ALOX15B: variants seen among roughly 807,000 people sequenced by gnomAD.
The protein encoded by ALOX15B is arachidonate 15-lipoxygenase type B.
A neutral mutation model predicts 73.8 loss-of-function variants in ALOX15B; 74 were observed. The observed-to-expected ratio is 1.00, with a 90% CI of 0.83 to 1.22. ALOX15B has a LOEUF of 1.22. Ranked by LOEUF, ALOX15B falls within the 50% of genes most tolerant of loss-of-function variation. The pLI is 0.00. For missense variants in ALOX15B, 896 were observed against 859.9 expected, an observed-to-expected ratio of 1.04 and a Z score of -0.52; for synonymous variants, 353 against 357.2, an observed-to-expected ratio of 0.99 and a Z score of 0.13.
Position 8,045,646 on chromosome 17 carries a change from C to T in ALOX15B, c.1160C>T (p.Ala387Val). The T allele has an allele frequency of 6.2e-7, 1 of 1,614,128 alleles. No individual in the cohort carries two copies. The highest frequency in any genetic ancestry group is 8.5e-7 in the Non-Finnish European group (1 of 1,180,040). ...CTGCTGCCTGAGGTCTTCACCCTGGCTACCCTGCGTCAGCTGCCCCACTGC... is the reference window on the plus strand; with the variant it reads ...CTGCTGCCTGAGGTCTTCACCCTGGTTACCCTGCGTCAGCTGCCCCACTGC... The part of the protein sequence containing the change: ...SHLLPEVFTL[A>V]TLRQLPHCHP... The change falls in exon 8 of 14, where the codon GCT (alanine) becomes GTT (valine). Residue 387 changes from alanine to valine, a missense_variant. Coordinates refer to ENST00000380183, the MANE Select transcript of ALOX15B (RefSeq NM_001141.3).
Position 8,048,600 on chromosome 17 carries a change from T to C in ALOX15B, c.*35T>C, listed in dbSNP as rs1054682277. The C allele has an allele frequency of 2.5e-6, 4 of 1,598,374 alleles. No homozygotes were observed. The highest frequency in any genetic ancestry group is 3.4e-6 in the Non-Finnish European group (4 of 1,171,022). ...GAACACAGGCCCAGATGACATCCCT[T>C]TGACCACATCGCTCTAGGATAACTG... On this transcript the variant is annotated 3_prime_UTR_variant, in exon 14 of 14. Transcript: ENST00000380183.
rs779373156 is a variant in ALOX15B, at chr17:8,042,397, C to T, written c.478C>T (p.His160Tyr). 2 of 1,614,154 alleles carry T rather than the reference C, an allele frequency of 1.2e-6. No individual in the cohort carries two copies. Among genetic ancestry groups the T allele is most frequent in the Middle Eastern group, 1.7e-4 (1 of 5,982 alleles). Residue 160 changes from histidine (H) to tyrosine (Y), a missense_variant, in exon 4 of 14, where the codon CAC (histidine) becomes TAC (tyrosine). By Grantham distance (83) the His-to-Tyr change is moderately conservative. Transcript: ENST00000380183. ...GAAGGCTTACAACCCAGGTTGGCCT[C>T]ACTGCCTGGATGAAAAGACAGTGGA... ...QWKAYNPGWP[H>Y]CLDEKTVEDL... is the part of the protein sequence containing the mutation.
chr17:8,044,766 C>T (rs1422986360), intron 5 of ALOX15B, 63 bp from the exon 6 acceptor site: 274 of 408,448 alleles, frequency 6.7e-4, no homozygotes, highest in Middle Eastern at 2.5e-3. Flanking sequence ...GTCCCCGTGT[C>T]CCCCACCCCC....
In ALOX15B at chr17:8,039,459, C is replaced by G. The variant is rs904050577; in HGVS notation, c.221C>G (p.Pro74Arg). ...CTGCTGCGCGTGCACAAGGCGCCCCCAGTGCTGCCCCTGCTGGGGCCCCTG... is the reference window on the plus strand; with the variant it reads ...CTGCTGCGCGTGCACAAGGCGCCCCGAGTGCTGCCCCTGCTGGGGCCCCTG... Reference protein sequence around the residue: ...VLLLRVHKAPPVLPLLGPLAP... With the variant: ...VLLLRVHKAPRVLPLLGPLAP... Residue 74 changes from proline to arginine, a missense_variant, in exon 2 of 14, where the codon CCA becomes CGA. Transcript: ENST00000380183. The G allele has an allele frequency of 6.2e-7, 1 of 1,606,068 alleles. No homozygotes were observed. The highest frequency in any genetic ancestry group is 8.5e-7 in the Non-Finnish European group (1 of 1,177,270).
intron 5 of ALOX15B, among the ~76,000 whole-genome samples, chr17:8,043,710 AC>A (rs1412208136): frequency 6.6e-6 from 1 of 152,048 alleles, no homozygotes; most frequent in Non-Finnish European, 1.5e-5. Flanking sequence ...GGATGGGTGG[AC>A]CGAGAGGTAC....
At position 8,048,554 on chromosome 17, in the gene ALOX15B, GT is replaced by G; in HGVS notation, c.2021del (p.Val674AlafsTer21). On this transcript the variant is annotated frameshift_variant, in exon 14 of 14. Coordinates refer to ENST00000380183, the MANE Select transcript of ALOX15B (RefSeq NM_001141.3). LOFTEE classifies it high-confidence loss of function. ...AGACCCTCCCCTCATCGAGAACAGC[GT>G]CTCCATCTAAATCCCAGGGGAACAC... Reference protein sequence around the residue: ...YLDPPLIENSVSI With the variant: ...YLDPPLIENSXSI 1 of 1,613,404 alleles carries G rather than the reference GT, an allele frequency of 6.2e-7. No individual in the cohort carries two copies. Among genetic ancestry groups the G allele is most frequent in the Non-Finnish European group, 8.5e-7 (1 of 1,179,564 alleles).
chr17:8,045,483 C>T lies in ALOX15B; in HGVS notation c.997C>T (p.Leu333Phe). 6.2e-7 allele frequency: 1 copy of T among 1,614,110 alleles called. No individual in the cohort carries two copies. Among genetic ancestry groups the T allele is most frequent in the Non-Finnish European group, 8.5e-7 (1 of 1,180,018 alleles). Residue 333 changes from leucine (L) to phenylalanine (F), a missense_variant and splice_region_variant, in exon 8 of 14, where the codon CTC (leucine) becomes TTC (phenylalanine). Transcript: ENST00000380183. ...CGPLLPLAIQ[L>F]SQTPGPNSPI... ...TCTCTCCCCACCTGCCTCCCCCCAG[C>T]TCAGCCAGACCCCCGGCCCAAACAG...
rs530174721 is a variant in ALOX15B, at chr17:8,046,646, C to A, written c.1201-22C>A. 29 of 1,610,106 alleles carry A rather than the reference C, an allele frequency of 1.8e-5. No individual in the cohort carries two copies. The East Asian group carries it at 5.8e-4, about 32-fold the overall frequency. On this transcript the variant is annotated intron_variant, in intron 8 of 13. Coordinates refer to ENST00000380183, the MANE Select transcript of ALOX15B (RefSeq NM_001141.3). ...AGAACAACCCAGGCCTCCCCTAGCT[C>A]TGCCATTTTCCTGCCATGCAGCTGC...
At chr17:8,046,053 C>T (rs1307948926) in intron 8 of ALOX15B, among the ~76,000 whole-genome samples, 3 of 152,264 alleles carry the variant, frequency 2.0e-5, no homozygotes, top group Admixed American at 6.5e-5. Context: ...GGGAGGCCCC[C>T]GTGCTCTAGG....
Position 8,039,506 on chromosome 17 carries a change from C to A in ALOX15B, c.268C>A (p.Arg90Ser), listed in dbSNP as rs368311556. 16 of 1,570,128 alleles carry A rather than the reference C, an allele frequency of 1.0e-5. No individual in the cohort carries two copies. In the South Asian group the frequency reaches 1.6e-4, roughly 16 times the overall value. Residue 90 changes from arginine (R) to serine (S), a missense_variant, in exon 2 of 14, where the codon CGC becomes AGC. Coordinates refer to ENST00000380183, the MANE Select transcript of ALOX15B (RefSeq NM_001141.3). ...CCTGGCCCCGGATGCCTGGTTCTGC[C>A]GCTGGTTCCAGCTGACACCGCCGCG... is the stretch of plus-strand genomic sequence containing the variant. ...GPLAPDAWFC[R>S]WFQLTPPRGG...
At chr17:8,045,184 A>AC (rs1976571617) in intron 6 of ALOX15B, 54 bp from the exon 7 acceptor site, 1 of 1,611,348 alleles carries the variant, frequency 6.2e-7, no homozygotes, top group Non-Finnish European at 8.5e-7. Flanking sequence ...CTACAACTGC[A>AC]CCCCCTTCAT....
chr17:8,045,092 T>G, intron 6 of ALOX15B, 91 bp downstream of exon 6: 1 of 1,588,420 alleles, frequency 6.3e-7, no homozygotes, highest in Non-Finnish European at 8.6e-7. Flanking sequence ...ACACTCACAT[T>G]TGTTAGGGAC....
In ALOX15B at chr17:8,045,144, C is replaced by T. The variant is rs984557712; in HGVS notation, c.850-94C>T. On this transcript the variant is annotated intron_variant, in intron 6 of 13. Coordinates refer to ENST00000380183, the MANE Select transcript of ALOX15B (RefSeq NM_001141.3). ...GCCAAGCACACTCTCCCGAAACACA[C>T]TCCTCTCCCAGCCCTGAATCCTCTC... is the stretch of plus-strand genomic sequence containing the variant. 12 of 1,597,870 alleles carry T rather than the reference C, an allele frequency of 7.5e-6. No individual in the cohort carries two copies. The Admixed American group carries it at 2.0e-4, about 27-fold the overall frequency.
intron 8 of ALOX15B, 145 bp from the exon 9 acceptor site, chr17:8,046,523 G>T: frequency 1.3e-6 from 1 of 767,030 alleles, no homozygotes. Context: ...GGAACTCCAG[G>T]GCTCAGACCC....
Position 8,048,500 on chromosome 17 carries a change from C to T in ALOX15B, c.1966C>T (p.Gln656Ter), listed in dbSNP as rs200104058. ...CTCGAGGGGCATCCAGGAGCGGAAC[C>T]AGGGCCTGGTGCTGCCCTACACCTA... ...QISRGIQERN[Q>*]GLVLPYTYLD... is the part of the protein sequence containing the mutation. Residue 656 changes from glutamine (Q) to a stop codon, truncating the protein, a stop_gained, in exon 14 of 14, where the codon CAG becomes TAG. Transcript: ENST00000380183. LOFTEE classifies it high-confidence loss of function. The T allele has an allele frequency of 3.2e-5, 51 of 1,614,128 alleles. No homozygotes were observed. Among genetic ancestry groups the T allele is most frequent in the East Asian group, 1.3e-4 (6 of 44,858 alleles).
chr17:8,043,043 C>T (rs185109402), intron 5 of ALOX15B, among the ~76,000 whole-genome samples, 159 bp downstream of exon 5: 9 of 152,242 alleles, frequency 5.9e-5, no homozygotes, highest in Non-Finnish European at 1.0e-4. Context: ...AGAATATGGA[C>T]GGAGGGGATC....
intron 6 of ALOX15B, 54 bp from the exon 7 acceptor site, chr17:8,045,184 A>G: frequency 6.2e-7 from 1 of 1,611,348 alleles, no homozygotes; most frequent in Non-Finnish European, 8.5e-7. Context: ...CTACAACTGC[A>G]CCCCCTTCAT....
chr17:8,039,383 C>CAGG lies in ALOX15B; in HGVS notation c.153_155dup, dbSNP rs1976364285. The CAGG allele has an allele frequency of 6.2e-7, 1 of 1,612,000 alleles. No individual in the cohort carries two copies. Among genetic ancestry groups the CAGG allele is most frequent in the Non-Finnish European group, 8.5e-7 (1 of 1,178,980 alleles). ...GCCTGACGCATACTTAACCTCCCCT[C>CAGG]AGGAGGAGGACTTCCAGGTGACGCT... On this transcript the variant is annotated splice_region_variant and splice_polypyrimidine_tract_variant and intron_variant, in intron 1 of 13. Transcript: ENST00000380183.
Position 8,047,782 on chromosome 17 carries a change from G to A in ALOX15B, c.1718G>A (p.Ser573Asn). The stretch of plus-strand genomic sequence containing the variant: ...GCTTGGATGCCCAACCTGCCACCCA[G>A]CATGCAGCTGCCACCACCCACCTCC... ...SCAWMPNLPP[S>N]MQLPPPTSKG... Residue 573 changes from serine (S) to asparagine (N), a missense_variant, in exon 13 of 14, where the codon AGC (serine) becomes AAC (asparagine). By Grantham distance (46) the Ser-to-Asn change is conservative. Coordinates refer to ENST00000380183, the MANE Select transcript of ALOX15B (RefSeq NM_001141.3). 5.6e-6 allele frequency: 9 copies of A among 1,614,140 alleles called. No homozygotes were observed. The highest frequency in any genetic ancestry group is 7.6e-6 in the Non-Finnish European group (9 of 1,180,022).
Sources: gnomAD v4.1 joint callset for allele counts (sites outside exome capture counted in the v4.1 genomes callset) on GRCh38, gnomAD v4.1.1 for gene constraint, MANE v1.5 for transcripts, NCBI Gene and HGNC (gene_info 2026-07-23, HGNC 2026-07-21) for gene names.